The following IPO11 variants were observed in gnomAD, a reference collection of about 807,000 sequenced individuals.
The protein encoded by IPO11 is importin-11.
A neutral mutation model predicts 143.2 loss-of-function variants in IPO11; 66 were observed. The ratio of observed to expected loss-of-function variants is 0.46; its 90% CI spans 0.38 to 0.57. IPO11 has a LOEUF of 0.57. Ranked by LOEUF, IPO11 falls within the 20% of genes least tolerant of loss-of-function variation. The pLI is 0.00. For synonymous variants in IPO11, 385 were observed against 377.8 expected (o/e 1.02, Z -0.22); for missense variants, 1,026 against 1,141.0 (o/e 0.90, Z 1.45).
At chr5:62,597,090 T>C (rs1305664279) in intron 28 of IPO11, among the ~76,000 whole-genome samples, 1 of 152,138 alleles carries the variant, frequency 6.6e-6, no homozygotes, top group African/African-American at 2.4e-5. Context: ...TTATATTCAG[T>C]CTAGTGACGG....
At chr5:62,499,520 T>C (rs1266373470) in intron 16 of IPO11, among the ~76,000 whole-genome samples, 1 of 151,906 alleles carries the variant, frequency 6.6e-6, no homozygotes, top group Non-Finnish European at 1.5e-5. Context: ...ACTAAATATA[T>C]TGGGAAATAT....
chr5:62,552,473 GT>G (rs74961561), intron 26 of IPO11, among the ~76,000 whole-genome samples: 2,902 of 135,066 alleles, frequency 0.021, 68 homozygotes, highest in African/African-American at 0.066. Flanking sequence ...ATATTTTTTA[GT>G]TTTTTTTTTT....
intron 27 of IPO11, among the ~76,000 whole-genome samples, chr5:62,564,806 T>A (rs1269571711): frequency 6.6e-6 from 1 of 152,198 alleles, no homozygotes; most frequent in Non-Finnish European, 1.5e-5. Context: ...GGTTAAACTC[T>A]TTTACTCTAA....
intron 16 of IPO11, among the ~76,000 whole-genome samples, chr5:62,499,963 A>G (rs925000846): frequency 1.3e-5 from 2 of 152,156 alleles, no homozygotes; most frequent in African/African-American, 4.8e-5. Flanking sequence ...GTTAACACAC[A>G]TGCAGCTGTC....
intron 27 of IPO11, among the ~76,000 whole-genome samples, chr5:62,586,767 A>ATGT (rs1561375272): frequency 1.8e-5 from 1 of 55,994 alleles, no homozygotes; most frequent in Non-Finnish European, 3.4e-5. Context: ...AAAAAAAAAA[A>ATGT]AATATATATA....
intron 15 of IPO11, 55 bp downstream of exon 15, chr5:62,490,275 T>G (rs1477161992): frequency 4.2e-6 from 5 of 1,183,614 alleles, no homozygotes; most frequent in Non-Finnish European, 5.9e-6. Context: ...TTTATTTTAT[T>G]AATGAAGACA....
chr5:62,553,982 C>T (rs1386841624), intron 26 of IPO11, among the ~76,000 whole-genome samples: 1 of 152,106 alleles, frequency 6.6e-6, no homozygotes, highest in Non-Finnish European at 1.5e-5. Flanking sequence ...CTGCCCGCCT[C>T]GGCCTCCCAA....
At chr5:62,536,575 G>A in intron 22 of IPO11, 127 bp from the exon 23 acceptor site, 1 of 1,076,640 alleles carries the variant, frequency 9.3e-7, no homozygotes, top group Non-Finnish European at 1.3e-6. Flanking sequence ...TGGTAGTCTT[G>A]ATAGTACTCG....
chr5:62,463,427 G>A (rs1339308015), intron 5 of IPO11, among the ~76,000 whole-genome samples: 1 of 151,998 alleles, frequency 6.6e-6, no homozygotes, highest in East Asian at 2.0e-4. Flanking sequence ...ACTTTGGGAG[G>A]CTGAGGCAGG....
intron 19 of IPO11, among the ~76,000 whole-genome samples, chr5:62,511,131 T>A (rs1741735132): frequency 6.6e-6 from 1 of 152,242 alleles, no homozygotes; most frequent in Admixed American, 6.5e-5. Flanking sequence ...ATAAATATTT[T>A]ATGGCTTTTA....
intron 29 of IPO11, among the ~76,000 whole-genome samples, chr5:62,624,634 C>T (rs936189546): frequency 3.9e-5 from 6 of 152,028 alleles, no homozygotes; most frequent in Non-Finnish European, 7.4e-5. Context: ...GAATGTCTAA[C>T]GTCCTGGGAA....
rs1245284833 is a variant in IPO11, at chr5:62,627,298, G to A, written c.2908G>A (p.Glu970Lys). The A allele has an allele frequency of 3.1e-6, 5 of 1,613,574 alleles. No homozygotes were observed. The highest frequency in any genetic ancestry group is 4.2e-6 in the Non-Finnish European group (5 of 1,179,760). The part of the protein sequence containing the change: ...VDTEIVTQLQ[E>K]FLQGF ...TACGGAGATTGTCACCCAGCTACAG[G>A]AGTTTTTGCAAGGATTCTAAGAGCA... The change falls in exon 30 of 30, where the codon GAG becomes AAG. Residue 970 changes from glutamate to lysine, a missense_variant. Transcript: ENST00000325324.
chr5:62,460,565 A>G (rs971766548), intron 5 of IPO11, among the ~76,000 whole-genome samples: 4 of 152,234 alleles, frequency 2.6e-5, no homozygotes, highest in Admixed American at 6.5e-5. Flanking sequence ...CTGAGGCTAA[A>G]AAAGTTTAAG....
At chr5:62,414,716 G>A (rs541364016) in intron 1 of IPO11, among the ~76,000 whole-genome samples, 1 of 152,296 alleles carries the variant, frequency 6.6e-6, no homozygotes, top group Non-Finnish European at 1.5e-5. Flanking sequence ...ATCCAGAGCT[G>A]CTGAATCAAA....
Position 62,574,716 on chromosome 5 carries a change from G to T in IPO11, c.2582+13459G>T, listed in dbSNP as rs141226615. ...TTTATCATCATATACTCGCAATGAG[G>T]ATGGTACCTAAAATTGTCCATGGAA... On this transcript the variant is annotated intron_variant, in intron 27 of 29. Coordinates refer to ENST00000325324, the MANE Select transcript of IPO11 (RefSeq NM_016338.5). 9.9e-5 allele frequency among the ~76,000 whole-genome samples: 15 copies of T among 152,276 alleles called. No homozygotes were observed. In the East Asian group the frequency reaches 2.5e-3, roughly 25 times the overall value.
intron 27 of IPO11, chr5:62,580,638 C>T: frequency 6.4e-7 from 1 of 1,551,456 alleles, no homozygotes; most frequent in Non-Finnish European, 8.7e-7. Context: ...GTTATATTAA[C>T]ATTACAAATT....
intron 1 of IPO11, among the ~76,000 whole-genome samples, chr5:62,435,154 A>ATATATGTATATATATGTG (rs1561308977): frequency 3.2e-5 from 2 of 62,728 alleles, no homozygotes; most frequent in Non-Finnish European, 6.2e-5. Context: ...GTATATATGT[A>ATATATGTATATATATGTG]TATATATGTA....
intron 1 of IPO11, among the ~76,000 whole-genome samples, chr5:62,417,391 TGTA>T (rs1743337068): frequency 6.7e-6 from 1 of 149,310 alleles, no homozygotes; most frequent in Non-Finnish European, 1.5e-5. Flanking sequence ...CTGAATTTGA[TGTA>T]GTGGTGATCA....
chr5:62,446,370 T>G (rs1345925435), intron 3 of IPO11, among the ~76,000 whole-genome samples: 1 of 152,210 alleles, frequency 6.6e-6, no homozygotes, highest in Non-Finnish European at 1.5e-5. Flanking sequence ...TATTGTTAAT[T>G]AATTTTCTAG....
Sources: allele counts gnomAD v4.1 joint callset (sites outside exome capture counted in the v4.1 genomes callset), GRCh38; gene constraint gnomAD v4.1.1; transcripts MANE v1.5; gene names NCBI Gene and HGNC (gene_info 2026-07-23, HGNC 2026-07-21).